DPP6: variants seen among roughly 807,000 people sequenced by gnomAD.
DPP6 encodes the protein dipeptidyl peptidase like 6.
Under a neutral mutation model 122.6 loss-of-function variants are expected in DPP6, and 69 were observed. The ratio of observed to expected loss-of-function variants is 0.56; its 90% CI spans 0.46 to 0.69. The LOEUF is 0.69. DPP6 is among the 30% of genes least tolerant of loss of function. DPP6 has a pLI of 0.00. For missense variants in DPP6, 928 were observed against 1,116.9 expected (o/e 0.83, Z 2.41); for synonymous variants, 418 against 433.1 (o/e 0.97, Z 0.43).
intron 1 of DPP6, among the ~76,000 whole-genome samples, chr7:154,191,114 G>A (rs1798594968): frequency 1.3e-5 from 2 of 152,196 alleles, no homozygotes; most frequent in Non-Finnish European, 2.9e-5. Context: ...ATTGTTAGGG[G>A]AGTAATTTGC....
chr7:154,257,600 G>C (rs1334846690), intron 1 of DPP6, among the ~76,000 whole-genome samples: 1 of 152,210 alleles, frequency 6.6e-6, no homozygotes, highest in Non-Finnish European at 1.5e-5. Context: ...GGTAGGCTGA[G>C]GCAGAAGAAT....
chr7:153,801,204 T>G, the DPP6 span, among the ~76,000 whole-genome samples: 3 of 147,518 alleles, frequency 2.0e-5, no homozygotes, highest in Non-Finnish European at 4.5e-5. Context: ...TGTTCTAGTT[T>G]CTAATTATAA....
At chr7:154,837,894 C>G (rs1163077316) in intron 16 of DPP6, among the ~76,000 whole-genome samples, 1 of 152,156 alleles carries the variant, frequency 6.6e-6, no homozygotes, top group Non-Finnish European at 1.5e-5. Flanking sequence ...GTGTTCATTT[C>G]TTTTTTCTCA....
intron 1 of DPP6, among the ~76,000 whole-genome samples, chr7:154,286,151 C>A (rs184127218): frequency 6.6e-6 from 1 of 152,252 alleles, no homozygotes; most frequent in East Asian, 1.9e-4. Flanking sequence ...AACTGAGCAG[C>A]GCACTGAGAT....
At chr7:154,651,066 A>C (rs1437971316) in intron 6 of DPP6, among the ~76,000 whole-genome samples, 1 of 152,196 alleles carries the variant, frequency 6.6e-6, no homozygotes, top group East Asian at 1.9e-4. Flanking sequence ...GGCAGTGTTA[A>C]TGTATGCACT....
intron 6 of DPP6, among the ~76,000 whole-genome samples, chr7:154,656,511 C>T (rs1251557739): frequency 1.3e-5 from 2 of 152,110 alleles, no homozygotes; most frequent in Non-Finnish European, 2.9e-5. Context: ...GGGGAGGCCA[C>T]GGACTTTGGC....
intron 1 of DPP6, among the ~76,000 whole-genome samples, chr7:153,975,925 T>C (rs368960107): frequency 4.6e-5 from 7 of 152,240 alleles, no homozygotes; most frequent in Admixed American, 1.3e-4. Context: ...ATAATATCTA[T>C]TTCACATGGT....
the DPP6 span, among the ~76,000 whole-genome samples, chr7:153,852,406 T>C: frequency 6.6e-6 from 1 of 152,106 alleles, no homozygotes; most frequent in Non-Finnish European, 1.5e-5. Context: ...GCATCTCATA[T>C]GGCCGGAGCA....
At chr7:154,891,244 A>G (rs1806576697) in intron 25 of DPP6, 2 of 152,124 alleles carry the variant, frequency 1.3e-5, no homozygotes, top group African/African-American at 4.8e-5. Context: ...AAGAAAAGAA[A>G]AAAATAAGAT....
intron 1 of DPP6, among the ~76,000 whole-genome samples, chr7:154,125,766 ACT>A (rs781070142): frequency 7.2e-5 from 11 of 152,010 alleles, no homozygotes; most frequent in Admixed American, 2.6e-4. Context: ...TAAAGCAGAG[ACT>A]CTATTGTGTT....
chr7:154,786,352 T>G (rs1432152799), intron 10 of DPP6, among the ~76,000 whole-genome samples: 3 of 152,230 alleles, frequency 2.0e-5, no homozygotes, highest in Non-Finnish European at 2.9e-5. Flanking sequence ...TGGTCTGTGA[T>G]ATGGTTTGGC....
chr7:154,771,736 T>C (rs573350785), intron 9 of DPP6, among the ~76,000 whole-genome samples: 2 of 152,236 alleles, frequency 1.3e-5, no homozygotes, highest in South Asian at 2.1e-4. Flanking sequence ...CATCTGGATG[T>C]TAACATGGCA....
chr7:154,552,270 A>G (rs1374532704), intron 4 of DPP6, among the ~76,000 whole-genome samples: 1 of 152,196 alleles, frequency 6.6e-6, no homozygotes, highest in Non-Finnish European at 1.5e-5. Context: ...TGCCATCACT[A>G]AGGAAAAGTG....
chr7:154,264,358 T>C (rs988907433), intron 1 of DPP6, among the ~76,000 whole-genome samples: 2 of 151,996 alleles, frequency 1.3e-5, no homozygotes, highest in African/African-American at 4.8e-5. Flanking sequence ...TGTAGTAGAG[T>C]TATTTGGTGT....
chr7:153,801,296 A>G, the DPP6 span, among the ~76,000 whole-genome samples: 4 of 147,888 alleles, frequency 2.7e-5, no homozygotes, highest in Non-Finnish European at 5.9e-5. Flanking sequence ...AAGGAAGTCA[A>G]TTTTGGAAAG....
intron 1 of DPP6, among the ~76,000 whole-genome samples, chr7:154,176,803 G>T (rs1237301080): frequency 6.6e-6 from 1 of 152,140 alleles, no homozygotes; most frequent in Non-Finnish European, 1.5e-5. Flanking sequence ...TCCATTCGGG[G>T]ACCTGTGAGT....
At chr7:154,514,089 C>T (rs1288925751) in intron 3 of DPP6, among the ~76,000 whole-genome samples, 3 of 152,106 alleles carry the variant, frequency 2.0e-5, no homozygotes, top group African/African-American at 4.8e-5. Context: ...GCCTGATCAA[C>T]ATGGTGAAAC....
the DPP6 span, among the ~76,000 whole-genome samples, chr7:153,877,873 G>A: frequency 0.071 from 10,701 of 149,834 alleles, 564 homozygotes; most frequent in East Asian, 0.26. Context: ...ACTGACAAAG[G>A]ACTCATATCC....
chr7:154,111,401 C>G (rs1806562127), intron 1 of DPP6, among the ~76,000 whole-genome samples: 1 of 152,052 alleles, frequency 6.6e-6, no homozygotes, highest in South Asian at 2.1e-4. Flanking sequence ...TTTTGAGAAA[C>G]AAATGAGAAA....
Sources: allele counts gnomAD v4.1 joint callset (sites outside exome capture counted in the v4.1 genomes callset), GRCh38; gene constraint gnomAD v4.1.1; transcripts MANE v1.5; gene names NCBI Gene and HGNC (gene_info 2026-07-23, HGNC 2026-07-21).